The following LPIN2 variants were observed in gnomAD, a reference collection of about 807,000 sequenced individuals.
The protein encoded by LPIN2 is phosphatidate phosphatase LPIN2.
In LPIN2, 55 loss-of-function variants were observed where a neutral mutation model predicts 111.4. The ratio of observed to expected loss-of-function variants is 0.49; its 90% CI spans 0.40 to 0.62. The LOEUF is 0.62. Among genes scored for constraint, LPIN2 ranks in the 20% least tolerant of loss-of-function variants. The pLI is 0.00. For missense variants in LPIN2, 992 were observed against 1,112.1 expected (o/e 0.89, Z 1.54); for synonymous variants, 425 against 414.0 (o/e 1.03, Z -0.32).
chr18:2,996,989 C>CTTT (rs78699561), intron 1 of LPIN2, among the ~76,000 whole-genome samples: 1 of 46,286 alleles, frequency 2.2e-5, no homozygotes, highest in Non-Finnish European at 4.6e-5. Context: ...TTGTATTTTT[C>CTTT]TTTTTCTTTT....
chr18:2,996,350 T>C (rs2078341688), intron 1 of LPIN2, among the ~76,000 whole-genome samples: 1 of 151,666 alleles, frequency 6.6e-6, no homozygotes, highest in Non-Finnish European at 1.5e-5. Flanking sequence ...AAAATAAAAG[T>C]GTTACATTGG....
rs557311189 is a variant in LPIN2, at chr18:2,999,392, C to T, written c.-10+13695G>A. Among the ~76,000 whole-genome samples the T allele has an allele frequency of 2.2e-3, 336 of 151,464 alleles. 4 individuals are homozygous for T. The highest frequency in any genetic ancestry group is 7.6e-3 in the African/African-American group (315 of 41,226). On this transcript the variant is annotated intron_variant, in intron 1 of 19. Transcript: ENST00000677752. ...CGGGCGGATCACGAGGTCAGGAGAT[C>T]GAGACCATTCTGGCTAACATGGTGA...
At chr18:3,001,599 T>C (rs1267894552) in intron 1 of LPIN2, among the ~76,000 whole-genome samples, 2 of 150,646 alleles carry the variant, frequency 1.3e-5, no homozygotes, top group African/African-American at 4.9e-5. Context: ...AGGAAATCAA[T>C]AGAGAAGGTC....
Position 2,934,427 on chromosome 18 carries a change from G to C in LPIN2, c.1192C>G (p.Gln398Glu). Reference sequence around the variant, plus strand: ...TCAAGGTAAATATCATCAGGTCCCTGGTGTTGGCTTCTTTTGTGAACACCT... The same window carrying C: ...TCAAGGTAAATATCATCAGGTCCCTCGTGTTGGCTTCTTTTGTGAACACCT... ...KKGVHKRSQH[Q>E]GPDDIYLDDL... Residue 398 changes from glutamine (Q) to glutamate (E), a missense_variant, in exon 8 of 20, where the codon CAG becomes GAG. Gln to Glu is a conservative substitution (Grantham distance 29). Around this residue, in one of 4 missense-constraint regions of LPIN2, gnomAD observed 709 missense variants for 753.2 expected, o/e 0.94. Transcript: ENST00000677752. 2 of 1,613,330 alleles carry C rather than the reference G, an allele frequency of 1.2e-6. No homozygotes were observed. The highest frequency in any genetic ancestry group is 1.3e-5 in the African/African-American group (1 of 74,958).
chr18:2,990,597 C>G (rs1463001296), intron 1 of LPIN2: 8 of 167,638 alleles, frequency 4.8e-5, no homozygotes, highest in African/African-American at 1.9e-4. Context: ...CCAATTCATA[C>G]CCACTACGAT....
chr18:2,921,230 A>T, intron 18 of LPIN2: 1 of 551,942 alleles, frequency 1.8e-6, no homozygotes, highest in Non-Finnish European at 3.2e-6. Context: ...CTCTGGGGTG[A>T]TCCAAGGACG....
At position 2,922,216 on chromosome 18, in the gene LPIN2, C is replaced by A; in HGVS notation, c.2175-17G>T. 1 of 1,613,800 alleles carries A rather than the reference C, an allele frequency of 6.2e-7. No homozygotes were observed. The highest frequency in any genetic ancestry group is 8.5e-7 in the Non-Finnish European group (1 of 1,179,840). On this transcript the variant is annotated splice_polypyrimidine_tract_variant and intron_variant, in intron 16 of 19. Coordinates refer to ENST00000677752, the MANE Select transcript of LPIN2 (RefSeq NM_001375808.2). ...TAGCCATTCCTGAAAGAAAACACAC[C>A]CTGTTAGCCCACATGTTCTGGCTAA...
At chr18:2,920,999 C>T (rs892376092) in intron 18 of LPIN2, 118 bp from the exon 19 acceptor site, 11 of 750,022 alleles carry the variant, frequency 1.5e-5, no homozygotes, top group Admixed American at 1.2e-4. Flanking sequence ...CATGCGGAGG[C>T]GGCACAGTGC....
chr18:2,982,678 G>A, intron 1 of LPIN2: 1 of 1,299,330 alleles, frequency 7.7e-7, no homozygotes, highest in Non-Finnish European at 1.0e-6. Flanking sequence ...CAAGATACCA[G>A]GAGGGGACTT....
At position 2,927,704 on chromosome 18, in the gene LPIN2, G is replaced by T; in HGVS notation, c.1710+18C>A. On this transcript the variant is annotated intron_variant, in intron 12 of 19. Coordinates refer to ENST00000677752, the MANE Select transcript of LPIN2 (RefSeq NM_001375808.2). ...ATTTCTTTCAGCCCACGGAAACAAT[G>T]ACCTCTAGGTCTGTTACCTGTTTGG... The T allele has an allele frequency of 6.2e-7, 1 of 1,612,004 alleles. No individual in the cohort carries two copies. The highest frequency in any genetic ancestry group is 1.1e-5 in the South Asian group (1 of 91,014).
rs892915919 is a variant in LPIN2 at position 2,931,454 on chromosome 18, G to A, written c.1269-11C>T. 6.4e-7 allele frequency: 1 copy of A among 1,567,966 alleles called. No homozygotes were observed. The highest frequency in any genetic ancestry group is 2.3e-5 in the East Asian group (1 of 42,752). Reference sequence around the variant, plus strand: ...CCGGGCTCCGATTCACTGTGGACAGGGGATGGGGAAAAGATGTGCTTTATT... The same window carrying A: ...CCGGGCTCCGATTCACTGTGGACAGAGGATGGGGAAAAGATGTGCTTTATT... On this transcript the variant is annotated splice_polypyrimidine_tract_variant and intron_variant, in intron 8 of 19. Transcript: ENST00000677752.
In LPIN2 at chr18:2,920,416, G is replaced by A. The variant is rs149862905; in HGVS notation, c.2568C>T (p.Leu856=). The A allele has an allele frequency of 3.6e-4, 576 of 1,613,842 alleles. 3 individuals carry two copies. Among genetic ancestry groups the A allele is most frequent in the Admixed American group, 8.3e-4 (50 of 60,034 alleles). Residue 856 remains leucine (L), a synonymous_variant, in exon 20 of 20, where the codon CTC becomes CTT. Coordinates refer to ENST00000677752, the MANE Select transcript of LPIN2 (RefSeq NM_001375808.2). ...NKSSYHRLSE[L]VEHVFPLLSK... is the part of the protein sequence containing the mutation. ...TGAGAAGGGGGAACACATGCTCCACGAGCTCACTCAGCCTGTGATACCTAA... is the reference window on the plus strand; with the variant it reads ...TGAGAAGGGGGAACACATGCTCCACAAGCTCACTCAGCCTGTGATACCTAA...
At chr18:2,930,280 A>G (rs1156333646) in intron 9 of LPIN2, among the ~76,000 whole-genome samples, 3 of 152,260 alleles carry the variant, frequency 2.0e-5, no homozygotes, top group Non-Finnish European at 4.4e-5. Flanking sequence ...TCCCTCGCAT[A>G]TAATTTTTTA....
intron 17 of LPIN2, 100 bp downstream of exon 17, chr18:2,921,947 T>C: frequency 2.1e-6 from 3 of 1,453,374 alleles, no homozygotes; most frequent in African/African-American, 1.4e-5. Flanking sequence ...GCGTGGCGGC[T>C]CCAACATCTG....
chr18:2,945,584 T>C, intron 4 of LPIN2: 2 of 1,521,610 alleles, frequency 1.3e-6, no homozygotes, highest in Admixed American at 1.7e-5. Flanking sequence ...TCCTGCTTTT[T>C]AGCTGCAGGC....
At chr18:2,920,950 GT>G in intron 18 of LPIN2, 69 bp from the exon 19 acceptor site, 8 of 1,059,790 alleles carry the variant, frequency 7.5e-6, no homozygotes, top group Non-Finnish European at 1.0e-5. Context: ...CAGGCTCCTT[GT>G]GAGCCAGAAG....
chr18:2,974,953 T>C (rs757673268), intron 1 of LPIN2, among the ~76,000 whole-genome samples: 1 of 152,212 alleles, frequency 6.6e-6, no homozygotes, highest in African/African-American at 2.4e-5. Context: ...GAGCCATGTT[T>C]GTGCCACTGC....
chr18:2,979,525 G>C (rs942481249), intron 1 of LPIN2, among the ~76,000 whole-genome samples: 1 of 152,142 alleles, frequency 6.6e-6, no homozygotes, highest in Non-Finnish European at 1.5e-5. Flanking sequence ...ATAAATATTT[G>C]CTAAATGAAG....
At chr18:2,946,926 CT>C (rs2077461966) in intron 4 of LPIN2, 1 of 251,662 alleles carries the variant, frequency 4.0e-6, no homozygotes, top group Admixed American at 5.2e-5. Context: ...ATACTTCTCT[CT>C]GTGTTCTGTG....
Sources: allele counts gnomAD v4.1 joint callset (sites outside exome capture counted in the v4.1 genomes callset), GRCh38; gene constraint gnomAD v4.1.1; regional missense constraint gnomAD v4.1.1; transcripts MANE v1.5; gene names NCBI Gene and HGNC (gene_info 2026-07-23, HGNC 2026-07-21).